The following HYDIN variants were observed in gnomAD, a reference collection of about 807,000 sequenced individuals.
HYDIN encodes HYDIN axonemal central pair apparatus protein.
HYDIN carries 132 observed loss-of-function variants against 403.9 expected under a neutral mutation model. The observed-to-expected ratio is 0.33, with a 90% confidence interval of 0.28 to 0.38. The LOEUF is 0.38. HYDIN is among the 10% of genes least tolerant of loss of function. The pLI, the probability that HYDIN is intolerant of heterozygous loss-of-function variation, is 1.00. For missense variants in HYDIN, 2,827 were observed against 5,009.5 expected, an observed-to-expected ratio of 0.56 and a Z score of 13.15; for synonymous variants, 1,202 against 1,891.7, an observed-to-expected ratio of 0.64 and a Z score of 9.46.
At chr16:70,828,807 G>A (rs8062367) in intron 81 of HYDIN, among the ~76,000 whole-genome samples, 23,238 of 151,708 alleles carry the variant, frequency 0.15, 2,499 homozygotes, top group African/African-American at 0.3. Flanking sequence ...CATAAAGACC[G>A]CATAGTTAAA....
chr16:70,937,033 T>G (rs2077514165), intron 44 of HYDIN, among the ~76,000 whole-genome samples: 1 of 151,472 alleles, frequency 6.6e-6, no homozygotes, highest in South Asian at 2.1e-4. Context: ...CTTCTGAAAA[T>G]AGTTAACCCA....
chr16:71,002,679 A>T (rs981796188), intron 23 of HYDIN, among the ~76,000 whole-genome samples: 54 of 130,764 alleles, frequency 4.1e-4, no homozygotes, highest in Middle Eastern at 3.9e-3. Flanking sequence ...TTTGGAATTA[A>T]TTTTTTTTTT....
intron 45 of HYDIN, among the ~76,000 whole-genome samples, chr16:70,934,423 G>A (rs890730009): frequency 5.3e-5 from 8 of 152,180 alleles, no homozygotes; most frequent in African/African-American, 1.9e-4. Flanking sequence ...AGGAAAACAG[G>A]TGTGCTGACG....
intron 1 of HYDIN, among the ~76,000 whole-genome samples, chr16:71,219,409 T>A (rs1205404033): frequency 2.0e-5 from 3 of 152,166 alleles, no homozygotes; most frequent in Non-Finnish European, 1.5e-5. Flanking sequence ...TCAACCAAGT[T>A]GACTTTTTGG....
chr16:71,184,900 C>G lies in HYDIN; in HGVS notation c.226G>C (p.Glu76Gln). The G allele has an allele frequency of 6.2e-7, 1 of 1,607,158 alleles. No homozygotes were observed. The highest frequency in any genetic ancestry group is 2.2e-5 in the East Asian group (1 of 44,738). The change falls in exon 3 of 86, where the codon GAA (glutamate) becomes CAA (glutamine). Residue 76 changes from glutamate to glutamine, a missense_variant. Physicochemically the swap from Glu to Gln is conservative, Grantham distance 29 (BLOSUM62 2). Coordinates refer to ENST00000393567, the MANE Select transcript of HYDIN (RefSeq NM_001270974.2). ...GTTGTTTCCCCCATATCTAAGAGTT[C>G]GATGATCTGTGGTCGGCACATCAAA... ...TRLMCRPQII[E>Q]LLDMGETTHQ...
At chr16:70,877,780 T>G (rs1239751122) in intron 62 of HYDIN, among the ~76,000 whole-genome samples, 1 of 152,108 alleles carries the variant, frequency 6.6e-6, no homozygotes, top group Non-Finnish European at 1.5e-5. Flanking sequence ...TGGGGACCCC[T>G]CTCTTAAAAC....
chr16:70,925,222 T>C (rs972037428), intron 45 of HYDIN, among the ~76,000 whole-genome samples: 9 of 152,180 alleles, frequency 5.9e-5, no homozygotes, highest in African/African-American at 1.2e-4. Flanking sequence ...TGGTGGCTCA[T>C]GCCTGTAATC....
chr16:70,844,850 T>C (rs1304023866), intron 75 of HYDIN, among the ~76,000 whole-genome samples: 6 of 151,860 alleles, frequency 4.0e-5, no homozygotes, highest in East Asian at 1.9e-4. Flanking sequence ...CTGTCTGTTG[T>C]TGGTGTACAA....
At chr16:71,117,679 A>C (rs903300802) in intron 9 of HYDIN, among the ~76,000 whole-genome samples, 4 of 152,052 alleles carry the variant, frequency 2.6e-5, no homozygotes, top group Admixed American at 2.6e-4. Context: ...ATAAATAATT[A>C]GGCTCCAGCT....
chr16:70,970,888 T>A, intron 35 of HYDIN, 129 bp from the exon 36 acceptor site: 3 of 795,830 alleles, frequency 3.8e-6, no homozygotes, highest in Non-Finnish European at 5.9e-6. Context: ...TAAAATTGCA[T>A]AAGAGTAATT....
intron 11 of HYDIN, among the ~76,000 whole-genome samples, chr16:71,089,202 G>A (rs1182700467): frequency 1.3e-5 from 2 of 151,938 alleles, no homozygotes; most frequent in African/African-American, 4.8e-5. Context: ...TGCACACTGG[G>A]TTTAGTGTGT....
intron 1 of HYDIN, among the ~76,000 whole-genome samples, chr16:71,210,348 G>A (rs1031873709): frequency 1.3e-5 from 2 of 152,202 alleles, no homozygotes; most frequent in Admixed American, 6.5e-5. Context: ...ATGAGATCAT[G>A]TCCTTTGCAG....
rs775950648 is a variant in HYDIN, at chr16:70,921,140, A to G, written c.7236T>C (p.Ser2412=). The change falls in exon 46 of 86, where the codon TCT becomes TCC. Residue 2412 remains serine (S), a synonymous_variant. Transcript: ENST00000393567. ...TCTTCTTATTTAGCTCTTCCTTCTC[A>G]GACATTGTTTGTTCCCTAACAGATA... ...RKISVREQTM[S]EKEELNKKKR... is the part of the protein sequence containing the mutation. 4.3e-5 allele frequency: 66 copies of G among 1,531,742 alleles called. No individual in the cohort carries two copies. Among genetic ancestry groups the G allele is most frequent in the Non-Finnish European group, 5.8e-5 (65 of 1,121,036 alleles). The allele number at this position is 1,531,742 out of a possible 1,614,324, so 94.9% of individuals were successfully genotyped here.
intron 69 of HYDIN, among the ~76,000 whole-genome samples, chr16:70,861,544 A>T (rs1415997983): frequency 6.9e-6 from 1 of 145,446 alleles, no homozygotes; most frequent in Non-Finnish European, 1.5e-5. Context: ...CACCAACTCC[A>T]CCACCACCAC....
At chr16:70,852,651 G>A (rs1195449449) in intron 73 of HYDIN, 1 of 150,770 alleles carries the variant, frequency 6.6e-6, no homozygotes, top group Non-Finnish European at 1.5e-5. Context: ...GAGACATGAA[G>A]AGACATTTCA....
chr16:71,160,302 T>C (rs1352445661), intron 6 of HYDIN, among the ~76,000 whole-genome samples: 1 of 149,704 alleles, frequency 6.7e-6, no homozygotes, highest in Admixed American at 6.7e-5. Flanking sequence ...GGGTTTTTAA[T>C]AGCCCTGCTG....
At chr16:70,880,648 T>C (rs1029561789) in intron 60 of HYDIN, among the ~76,000 whole-genome samples, 34 of 152,228 alleles carry the variant, frequency 2.2e-4, no homozygotes, top group Admixed American at 2.1e-3. Context: ...CTGCTCCTTG[T>C]AACTCCAAGA....
chr16:70,969,127 G>C (rs983376749), intron 36 of HYDIN, among the ~76,000 whole-genome samples: 1 of 151,978 alleles, frequency 6.6e-6, no homozygotes, highest in Non-Finnish European at 1.5e-5. Flanking sequence ...AAAGAAAAGA[G>C]CCTCAAAGAA....
intron 80 of HYDIN, 36 bp from the exon 81 acceptor site, chr16:70,829,866 T>C (rs769166431): frequency 2.9e-4 from 453 of 1,586,884 alleles, no homozygotes; most frequent in Non-Finnish European, 3.7e-4. Context: ...TCCATGGCAC[T>C]TCCCCCTGGT....
Sources: allele counts gnomAD v4.1 joint callset (sites outside exome capture counted in the v4.1 genomes callset), GRCh38; gene constraint gnomAD v4.1.1; transcripts MANE v1.5; gene names NCBI Gene and HGNC (gene_info 2026-07-23, HGNC 2026-07-21).